The following RAD17 variants were observed in gnomAD, a reference collection of about 807,000 sequenced individuals.
RAD17 encodes the protein RAD17 checkpoint clamp loader component.
In RAD17, 31 loss-of-function variants were observed where a neutral mutation model predicts 81.5. That is an observed-to-expected ratio of 0.38 (90% CI 0.29 to 0.51). The LOEUF (loss-of-function observed/expected upper bound fraction) is 0.51. Among genes scored for constraint, RAD17 ranks in the 20% least tolerant of loss-of-function variants. RAD17 has a pLI of 0.88. For synonymous variants in RAD17, 261 were observed against 266.2 expected, an observed-to-expected ratio of 0.98 and a Z score of 0.19; for missense variants, 681 against 781.2, an observed-to-expected ratio of 0.87 and a Z score of 1.53.
chr5:69,409,758 C>T (rs753209530), intron 17 of RAD17, among the ~76,000 whole-genome samples: 2 of 152,154 alleles, frequency 1.3e-5, no homozygotes, highest in Non-Finnish European at 2.9e-5. Flanking sequence ...GTATATCCAC[C>T]TTGTTCTGCA....
upstream of RAD17, chr5:69,369,321 CG>C: frequency 1.1e-6 from 1 of 871,716 alleles, no homozygotes; most frequent in Non-Finnish European, 1.6e-6. Context: ...GGTCGGCTCC[CG>C]GGGCGCTGAC....
rs934554030 is a variant in RAD17 at position 69,369,872 on chromosome 5, C to T, written c.-478C>T. The T allele has an allele frequency of 3.1e-6, 2 of 650,090 alleles. No individual in the cohort carries two copies. Among genetic ancestry groups the T allele is most frequent in the African/African-American group, 1.9e-5 (1 of 53,710 alleles). The allele number at this position is 650,090 out of a possible 1,614,324, so 40.3% of individuals were successfully genotyped here. ...GGGTAGGGCCAGGTGGCTGCCCTTTCACCTAGGGTAGTCCCTGGTCGCCTC... is the reference window on the plus strand; with the variant it reads ...GGGTAGGGCCAGGTGGCTGCCCTTTTACCTAGGGTAGTCCCTGGTCGCCTC... On this transcript the variant is annotated 5_prime_UTR_variant, in exon 1 of 19. Transcript: ENST00000354868.
At chr5:69,372,909 C>G (rs1383043944) in intron 4 of RAD17, among the ~76,000 whole-genome samples, 2 of 152,200 alleles carry the variant, frequency 1.3e-5, no homozygotes, top group African/African-American at 2.4e-5. Context: ...CACACCCAAC[C>G]ATTCCCAGGC....
intron 3 of RAD17, 112 bp downstream of exon 3, chr5:69,371,669 T>C (rs1347387408): frequency 3.9e-6 from 2 of 517,092 alleles, no homozygotes; most frequent in Non-Finnish European, 6.1e-6. Context: ...CGAGTATCTA[T>C]TGTAATTAAT....
chr5:69,377,977 T>G (rs1342775662), intron 6 of RAD17, among the ~76,000 whole-genome samples: 1 of 151,748 alleles, frequency 6.6e-6, no homozygotes, highest in East Asian at 1.9e-4. Context: ...AAAATTTTTT[T>G]GTAGAGATGG....
At chr5:69,407,362 G>A (rs1177557) in intron 17 of RAD17, among the ~76,000 whole-genome samples, 1 of 151,474 alleles carries the variant, frequency 6.6e-6, no homozygotes, top group Non-Finnish European at 1.5e-5. Context: ...AAGATGTTTT[G>A]GTTTTTCTTA....
At chr5:69,394,582 G>A (rs1453262732) in intron 15 of RAD17, among the ~76,000 whole-genome samples, 1 of 98,200 alleles carries the variant, frequency 1.0e-5, no homozygotes, top group Non-Finnish European at 2.3e-5. Flanking sequence ...ACCACATGTA[G>A]CTATTTACAT....
intron 12 of RAD17, among the ~76,000 whole-genome samples, chr5:69,390,387 C>T (rs1421987874): frequency 1.3e-5 from 2 of 152,028 alleles, no homozygotes; most frequent in African/African-American, 4.8e-5. Flanking sequence ...TGACTCATGC[C>T]TGAAGCCAAG....
rs138670053 is a variant in RAD17, at chr5:69,373,887, A to G, written c.67A>G (p.Thr23Ala). 1,496 of 1,609,978 alleles carry G rather than the reference A, an allele frequency of 9.3e-4. 7 individuals carry two copies. Among genetic ancestry groups the G allele is most frequent in the Middle Eastern group, 9.1e-3 (55 of 6,052 alleles). ...TTTTCTAGAGTGTAGTGGCGTCTCTACTATTACTGCCACATCATTAGGTGT... is the reference window on the plus strand; with the variant it reads ...TTTTCTAGAGTGTAGTGGCGTCTCTGCTATTACTGCCACATCATTAGGTGT... Reference protein sequence around the residue: ...DDFLECSGVSTITATSLGVNN... With the variant: ...DDFLECSGVSAITATSLGVNN... Residue 23 changes from threonine (T) to alanine (A), a missense_variant, in exon 5 of 19, where the codon ACT (threonine) becomes GCT (alanine). Thr to Ala is a moderately conservative substitution (Grantham distance 58). Transcript: ENST00000354868.
At chr5:69,402,116 C>T (rs1441972616) in intron 17 of RAD17, among the ~76,000 whole-genome samples, 1 of 147,658 alleles carries the variant, frequency 6.8e-6, no homozygotes, top group Non-Finnish European at 1.5e-5. Flanking sequence ...GGCATGATCT[C>T]GACTTACTGC....
intron 12 of RAD17, among the ~76,000 whole-genome samples, chr5:69,389,825 A>G (rs1161459069): frequency 1.3e-5 from 2 of 152,014 alleles, no homozygotes; most frequent in African/African-American, 4.8e-5. Flanking sequence ...TTTAATAGAG[A>G]TGGGGTTTCA....
At chr5:69,371,582 T>C (rs1019419131) in intron 3 of RAD17, 25 bp downstream of exon 3, 23 of 1,321,672 alleles carry the variant, frequency 1.7e-5, no homozygotes, top group Non-Finnish European at 2.3e-5. Flanking sequence ...AATGGCCATG[T>C]AATAATTGCC....
chr5:69,395,811 C>T (rs1164807200), intron 15 of RAD17, among the ~76,000 whole-genome samples: 1 of 152,116 alleles, frequency 6.6e-6, no homozygotes, highest in Non-Finnish European at 1.5e-5. Context: ...TTGTTTCTGG[C>T]TGAATAATTG....
chr5:69,402,447 C>T (rs1272127095), intron 17 of RAD17, among the ~76,000 whole-genome samples: 2 of 151,970 alleles, frequency 1.3e-5, no homozygotes, highest in African/African-American at 2.4e-5. Context: ...GGGCGGATCA[C>T]GAGGTCAGGA....
rs749088794 is a variant in RAD17, at chr5:69,371,138, C to T, written c.-313C>T. 2.1e-6 allele frequency: 1 copy of T among 483,416 alleles called. No individual in the cohort carries two copies. The highest frequency in any genetic ancestry group is 4.0e-6 in the Non-Finnish European group (1 of 249,532). The allele number at this position is 483,416 out of a possible 1,614,324, so 29.9% of individuals were successfully genotyped here. Reference sequence around the variant, plus strand: ...ACTTTAATTTTCAGTATAAAAATTGCTCAAATAGAATTGCCTGATTTTAAT... The same window carrying T: ...ACTTTAATTTTCAGTATAAAAATTGTTCAAATAGAATTGCCTGATTTTAAT... On this transcript the variant is annotated 5_prime_UTR_variant, in exon 2 of 19. Coordinates refer to ENST00000354868, the MANE Select transcript of RAD17 (RefSeq NM_133338.3).
At chr5:69,398,451 T>TA (rs759916594) in intron 16 of RAD17, among the ~76,000 whole-genome samples, 3 of 152,152 alleles carry the variant, frequency 2.0e-5, no homozygotes, top group Non-Finnish European at 4.4e-5. Context: ...GAAAACAAAA[T>TA]ACACAACAGT....
intron 7 of RAD17, among the ~76,000 whole-genome samples, chr5:69,382,407 C>G (rs771000224): frequency 1.3e-5 from 2 of 152,116 alleles, no homozygotes; most frequent in African/African-American, 4.8e-5. Context: ...GTGTTACCAT[C>G]GTGCTCCAGC....
chr5:69,388,944 G>A (rs1205266342), intron 11 of RAD17, 90 bp from the exon 12 acceptor site: 8 of 643,350 alleles, frequency 1.2e-5, no homozygotes, highest in South Asian at 3.0e-5. Context: ...TCTAATTTAC[G>A]TTAATTAAGT....
intron 6 of RAD17, among the ~76,000 whole-genome samples, chr5:69,380,278 A>C (rs1012588946): frequency 2.0e-5 from 3 of 152,200 alleles, no homozygotes; most frequent in African/African-American, 7.2e-5. Flanking sequence ...ATTATCAAGC[A>C]TTATGTGTTA....
Sources: allele counts gnomAD v4.1 joint callset (sites outside exome capture counted in the v4.1 genomes callset), GRCh38; gene constraint gnomAD v4.1.1; transcripts MANE v1.5; gene names NCBI Gene and HGNC (gene_info 2026-07-23, HGNC 2026-07-21).